Variants in HPS4 observed in about 807,000 individuals in gnomAD.
HPS4 encodes the protein BLOC-3 complex member HPS4.
HPS4 carries 44 observed loss-of-function variants against 70.3 expected under a neutral mutation model. The observed-to-expected ratio is 0.63, with a 90% CI of 0.49 to 0.80. The LOEUF (loss-of-function observed/expected upper bound fraction) is 0.80, where lower values mean the gene tolerates loss of function less well. Ranked by LOEUF, HPS4 falls within the 30% of genes least tolerant of loss-of-function variation. The pLI, the probability that HPS4 is intolerant of heterozygous loss-of-function variation, is 0.00. For missense variants in HPS4, 873 were observed against 884.4 expected (o/e 0.99, Z 0.16); for synonymous variants, 377 against 355.9 (o/e 1.06, Z -0.67).
Position 26,481,721 on chromosome 22 carries a change from C to A in HPS4, c.41+1G>T. The A allele has an allele frequency of 1.9e-6, 3 of 1,614,048 alleles. No homozygotes were observed. The highest frequency in any genetic ancestry group is 2.5e-6 in the Non-Finnish European group (3 of 1,179,868). The stretch of plus-strand genomic sequence containing the variant: ...ATGCCATGGCAGGCCTTGTTACTCA[C>A]CACGAGGCTGACTTTGCCTCTGTGG... On this transcript the variant is annotated splice_donor_variant, in intron 2 of 13. Transcript: ENST00000398145. LOFTEE classifies it high-confidence loss of function.
At chr22:26,469,909 T>C (rs1393884857) in intron 7 of HPS4, among the ~76,000 whole-genome samples, 1 of 152,204 alleles carries the variant, frequency 6.6e-6, no homozygotes, top group African/African-American at 2.4e-5. Flanking sequence ...TCTCATTTCA[T>C]TCTTCACAAG....
chr22:26,469,712 T>A (rs145822822), intron 7 of HPS4, among the ~76,000 whole-genome samples: 187 of 5,694 alleles, frequency 0.033, no homozygotes, highest in South Asian at 0.086. Flanking sequence ...GAAAAAAAAA[T>A]ATATATATAT....
chr22:26,474,507 T>C (rs893252645), intron 4 of HPS4, among the ~76,000 whole-genome samples: 4 of 151,986 alleles, frequency 2.6e-5, no homozygotes, highest in African/African-American at 9.7e-5. Flanking sequence ...AGGGAGACTA[T>C]CTCCTCCAAT....
intron 13 of HPS4, chr22:26,453,838 C>A (rs1200651718): frequency 3.9e-6 from 1 of 255,470 alleles, no homozygotes; most frequent in East Asian, 1.0e-4. Context: ...GTAGCTGGGG[C>A]TGCCCTGCCT....
chr22:26,472,603 C>T (rs1268716230), intron 5 of HPS4, among the ~76,000 whole-genome samples, 185 bp from the exon 6 acceptor site: 2 of 152,184 alleles, frequency 1.3e-5, no homozygotes, highest in East Asian at 1.9e-4. Flanking sequence ...GCAGGGCCTG[C>T]GCTTTCTAAA....
intron 5 of HPS4, 147 bp downstream of exon 5, chr22:26,472,685 G>A: frequency 1.3e-6 from 1 of 782,730 alleles, no homozygotes; most frequent in Non-Finnish European, 2.3e-6. Context: ...AAAGGCATAT[G>A]AGGGGCCTCC....
chr22:26,468,384 C>T (rs944411703), intron 8 of HPS4, 167 bp downstream of exon 8: 3 of 678,410 alleles, frequency 4.4e-6, no homozygotes, highest in South Asian at 1.6e-5. Context: ...TTCAGCCTCA[C>T]CAATGGCTTC....
chr22:26,482,011 AACAG>A lies in HPS4; in HGVS notation c.-253_-250del. ...CTCTTACAACTCAGGGAGAAACTAT[AACAG>A]AGAATCCTAGCAGAAAAGTCAAATC... On this transcript the variant is annotated 5_prime_UTR_variant, in exon 2 of 14. It introduces an in-frame stop codon into an upstream open reading frame of the 5' UTR. Transcript: ENST00000398145. 2 of 535,104 alleles carry A rather than the reference AACAG, an allele frequency of 3.7e-6. No homozygotes were observed. Among genetic ancestry groups the A allele is most frequent in the East Asian group, 3.3e-5 (1 of 29,900 alleles). The allele number at this position is 535,104 out of a possible 1,614,324, so 33.1% of individuals were successfully genotyped here.
At chr22:26,462,367 C>A (rs2087474658) in intron 11 of HPS4, among the ~76,000 whole-genome samples, 2 of 152,148 alleles carry the variant, frequency 1.3e-5, no homozygotes, top group African/African-American at 4.8e-5. Flanking sequence ...AAGGGCAGGG[C>A]AGTGGGGGGA....
At chr22:26,476,592 C>CTTT in intron 4 of HPS4, 7 of 170,140 alleles carry the variant, frequency 4.1e-5, no homozygotes, top group East Asian at 1.6e-4. Flanking sequence ...AAGCAATATT[C>CTTT]TTTTTTTTTT....
At chr22:26,445,284 A>AG (rs2084916192) in intron 3 of HPS4, among the ~76,000 whole-genome samples, 2 of 152,290 alleles carry the variant, frequency 1.3e-5, no homozygotes, top group South Asian at 4.1e-4. Context: ...CAGTGAGCCT[A>AG]GGTCGCGCCA....
At chr22:26,458,293 G>C (rs2086557184) in intron 12 of HPS4, 152 bp downstream of exon 12, 1 of 941,408 alleles carries the variant, frequency 1.1e-6, no homozygotes, top group Non-Finnish European at 1.7e-6. Context: ...ACACTCAGTG[G>C]GACTGGGCTC....
In HPS4 at chr22:26,481,138, A is replaced by C. The variant is rs1388078273; in HGVS notation, c.41+584T>G. On this transcript the variant is annotated intron_variant, in intron 2 of 13. Coordinates refer to ENST00000398145, the MANE Select transcript of HPS4 (RefSeq NM_022081.6). Reference sequence around the variant, plus strand: ...ATCCCTGCTTGTGCGGGCACACGAAAGAAAACTTGGGTGTCATTTTGAACT... The same window carrying C: ...ATCCCTGCTTGTGCGGGCACACGAACGAAAACTTGGGTGTCATTTTGAACT... 2.0e-5 allele frequency among the ~76,000 whole-genome samples: 3 copies of C among 152,136 alleles called. No individual in the cohort carries two copies. In the East Asian group the frequency reaches 5.8e-4, roughly 29 times the overall value.
chr22:26,481,708 G>A lies in HPS4; in HGVS notation c.41+14C>T. 2 of 1,613,470 alleles carry A rather than the reference G, an allele frequency of 1.2e-6. No homozygotes were observed. Among genetic ancestry groups the A allele is most frequent in the Non-Finnish European group, 1.7e-6 (2 of 1,179,342 alleles). On this transcript the variant is annotated intron_variant, in intron 2 of 13. Transcript: ENST00000398145. ...CCCAGCAAAAGCTATGCCATGGCAG[G>A]CCTTGTTACTCACCACGAGGCTGAC...
chr22:26,453,002 G>A lies in HPS4; in HGVS notation c.*231C>T, dbSNP rs1046218756. On this transcript the variant is annotated 3_prime_UTR_variant, in exon 14 of 14. Coordinates refer to ENST00000398145, the MANE Select transcript of HPS4 (RefSeq NM_022081.6). ...AGCCCGTCCCGGCCCCAACACTACC[G>A]ATTAAATACAGTTCTTTATCAAGTG... 6 of 547,086 alleles carry A rather than the reference G, an allele frequency of 1.1e-5. No individual in the cohort carries two copies. The highest frequency in any genetic ancestry group is 4.9e-4 in the Middle Eastern group (1 of 2,034). The allele number at this position is 547,086 out of a possible 1,614,324, so 33.9% of individuals were successfully genotyped here. A position where few individuals can be genotyped will look rare whatever the true frequency, so the allele number is the denominator to read the frequency against.
intron 6 of HPS4, chr22:26,471,222 C>T (rs2089751642): frequency 2.5e-6 from 1 of 395,320 alleles, no homozygotes; most frequent in African/African-American, 2.1e-5. Context: ...CCCTATCCTC[C>T]ACTTTCCTTC....
In HPS4 at chr22:26,452,004, GCACACACACACACACACACA is replaced by G. The variant is rs134978; in HGVS notation, c.*1209_*1228del. The G allele has an allele frequency of 0.015, 1,570 of 106,196 alleles. 12 individuals carry two copies. Among genetic ancestry groups the G allele is most frequent in the Middle Eastern group, 0.041 (9 of 222 alleles). 6.6% of individuals were successfully genotyped at this position (106,196 alleles called of 1,614,324 possible). A position where few individuals can be genotyped will look rare whatever the true frequency, so the allele number is the denominator to read the frequency against. On this transcript the variant is annotated 3_prime_UTR_variant, in exon 14 of 14. Coordinates refer to ENST00000398145, the MANE Select transcript of HPS4 (RefSeq NM_022081.6). The stretch of plus-strand genomic sequence containing the variant: ...CCACGTTACGCGCGCGCGCGCGCGC[GCACACACACACACACACACA>G]CACACACACACACACACACTGTCTT...
At chr22:26,447,870 C>T (rs144704605), downstream of HPS4, among the ~76,000 whole-genome samples, 461 of 152,290 alleles carry the variant, frequency 3.0e-3, 2 homozygotes, top group African/African-American at 1.0e-2. Context: ...CATATCTCCC[C>T]GCTTCCCATA....
chr22:26,475,255 T>G (rs1276411457), intron 4 of HPS4: 1 of 152,014 alleles, frequency 6.6e-6, no homozygotes, highest in Admixed American at 6.6e-5. Context: ...GAACGAACGC[T>G]GATAGATGCA....
Sources: gnomAD v4.1 joint callset for allele counts (sites outside exome capture counted in the v4.1 genomes callset) on GRCh38, gnomAD v4.1.1 for gene constraint, MANE v1.5 for transcripts, NCBI Gene and HGNC (gene_info 2026-07-23, HGNC 2026-07-21) for gene names.